CES5A: variants seen among roughly 807,000 people sequenced by gnomAD.
CES5A encodes the protein carboxylesterase 5.
Under a neutral mutation model 62.9 loss-of-function variants are expected in CES5A, and 67 were observed. The ratio of observed to expected loss-of-function variants is 1.07; its 90% CI spans 0.88 to 1.31. The LOEUF (loss-of-function observed/expected upper bound fraction) is 1.31. Ranked by LOEUF, CES5A falls within the 50% of genes most tolerant of loss-of-function variation. The pLI, the probability that CES5A is intolerant of heterozygous loss-of-function variation, is 0.00. For missense variants in CES5A, 748 were observed against 708.5 expected, an observed-to-expected ratio of 1.06 and a Z score of -0.63; for synonymous variants, 296 against 280.8, an observed-to-expected ratio of 1.05 and a Z score of -0.54.
At chr16:55,880,011 T>G (rs1380275794), upstream of CES5A, among the ~76,000 whole-genome samples, 1 of 152,244 alleles carries the variant, frequency 6.6e-6, no homozygotes, top group Non-Finnish European at 1.5e-5. Flanking sequence ...TTCCTGCCCA[T>G]GCACTTTTTG....
At chr16:55,851,853 G>T (rs1384084985) in intron 10 of CES5A, among the ~76,000 whole-genome samples, 3 of 152,220 alleles carry the variant, frequency 2.0e-5, no homozygotes, top group African/African-American at 7.2e-5. Context: ...ACATTAGTCA[G>T]CCTTAAAAAA....
chr16:55,928,223 A>G (rs956856327), upstream of CES5A, among the ~76,000 whole-genome samples: 4 of 151,980 alleles, frequency 2.6e-5, no homozygotes, highest in Non-Finnish European at 4.4e-5. Flanking sequence ...AGCCTGGGCG[A>G]CAGAGCGAGA....
At chr16:55,865,661 T>C (rs1222695335) in intron 5 of CES5A, among the ~76,000 whole-genome samples, 4 of 152,208 alleles carry the variant, frequency 2.6e-5, no homozygotes, top group Non-Finnish European at 5.9e-5. Context: ...ATTAAACAAG[T>C]GATTACCATT....
intron 6 of CES5A, among the ~76,000 whole-genome samples, chr16:55,862,819 G>A (rs1359208864): frequency 1.3e-5 from 2 of 152,054 alleles, no homozygotes; most frequent in African/African-American, 2.4e-5. Context: ...TTATGCTGGG[G>A]GCCTGAAGGA....
At chr16:55,919,810 G>T (rs1163903976) in intron 1 of CES5A, among the ~76,000 whole-genome samples, 2 of 152,204 alleles carry the variant, frequency 1.3e-5, no homozygotes, top group African/African-American at 4.8e-5. Flanking sequence ...AATAATCATA[G>T]CTGGCACATT....
intron 1 of CES5A, among the ~76,000 whole-genome samples, chr16:55,955,479 T>A (rs934538050): frequency 6.6e-6 from 1 of 152,246 alleles, no homozygotes; most frequent in South Asian, 2.1e-4. Flanking sequence ...ATTTAATAAA[T>A]CTTTCTCCAC....
chr16:55,940,943 C>T (rs1050853943), intron 2 of CES5A, among the ~76,000 whole-genome samples: 11 of 150,586 alleles, frequency 7.3e-5, no homozygotes, highest in African/African-American at 2.7e-4. Context: ...TGACAAAATG[C>T]AACAATTCAT....
At chr16:55,887,002 G>C (rs554338313) in intron 1 of CES5A, among the ~76,000 whole-genome samples, 28 of 152,256 alleles carry the variant, frequency 1.8e-4, no homozygotes, top group African/African-American at 5.8e-4. Flanking sequence ...AACAATGGAA[G>C]GTCTATTAGG....
chr16:55,935,670 C>G (rs775596243), intron 2 of CES5A, among the ~76,000 whole-genome samples: 1 of 152,164 alleles, frequency 6.6e-6, no homozygotes, highest in Admixed American at 6.5e-5. Context: ...AGTTCTATAC[C>G]ATTTTTAAAC....
intron 2 of CES5A, among the ~76,000 whole-genome samples, chr16:55,937,604 A>T (rs141200564): frequency 5.9e-4 from 90 of 152,252 alleles, no homozygotes; most frequent in African/African-American, 2.1e-3. Context: ...CGGATGGCCA[A>T]GCCAAGTGGG....
intron 1 of CES5A, among the ~76,000 whole-genome samples, chr16:55,924,877 G>A (rs1198127813): frequency 1.3e-5 from 2 of 151,964 alleles, no homozygotes; most frequent in Non-Finnish European, 2.9e-5. Context: ...CAAAATGGAT[G>A]AAAGACTTAA....
intron 1 of CES5A, among the ~76,000 whole-genome samples, chr16:55,953,405 T>C (rs1387137879): frequency 2.0e-5 from 3 of 152,186 alleles, no homozygotes; most frequent in Admixed American, 2.0e-4. Context: ...GCAGTCAGTA[T>C]AACCATCTGT....
intron 2 of CES5A, among the ~76,000 whole-genome samples, chr16:55,938,797 T>TATATATATATATACAC (rs1440495150): frequency 2.0e-5 from 1 of 51,082 alleles, no homozygotes; most frequent in African/African-American, 1.0e-4. Flanking sequence ...TATATATATA[T>TATATATATATATACAC]ACACACATAT....
chr16:55,869,854 G>A, intron 3 of CES5A, 110 bp from the exon 4 acceptor site: 3 of 1,419,952 alleles, frequency 2.1e-6, no homozygotes, highest in Admixed American at 2.5e-5. Context: ...CACTTGCTAA[G>A]CAGGGTGCGA....
intron 5 of CES5A, among the ~76,000 whole-genome samples, chr16:55,865,017 A>T (rs2033427438): frequency 6.7e-6 from 1 of 149,682 alleles, no homozygotes; most frequent in Admixed American, 6.7e-5. Flanking sequence ...GACCAGCCTG[A>T]CCAACATGGA....
intron 1 of CES5A, among the ~76,000 whole-genome samples, chr16:55,898,266 T>G (rs1366413964): frequency 6.6e-6 from 1 of 152,164 alleles, no homozygotes; most frequent in Non-Finnish European, 1.5e-5. Context: ...TAAAATCACA[T>G]GTAGATGCAT....
At chr16:55,886,643 T>A (rs990266918) in intron 1 of CES5A, among the ~76,000 whole-genome samples, 2 of 152,188 alleles carry the variant, frequency 1.3e-5, no homozygotes, top group Admixed American at 6.5e-5. Context: ...ACCATAGCAC[T>A]ATCCTAAGTG....
In CES5A at chr16:55,863,847, C is replaced by T. The variant is rs143796789; in HGVS notation, c.706-395G>A. On this transcript the variant is annotated intron_variant, in intron 5 of 12. Coordinates refer to ENST00000290567, the MANE Select transcript of CES5A (RefSeq NM_001143685.2). ...TCTCACCTCACTGCAACCTCCGACT[C>T]CCAGGTTCAAGTGATTCTCCTGCCT... is the stretch of plus-strand genomic sequence containing the variant. Among the ~76,000 whole-genome samples, 878 of 151,792 alleles carry T rather than the reference C, an allele frequency of 5.8e-3. 12 individuals carry two copies. The highest frequency in any genetic ancestry group is 0.02 in the African/African-American group (817 of 41,360).
intron 4 of CES5A, among the ~76,000 whole-genome samples, chr16:55,867,388 A>G (rs1184682048): frequency 6.6e-6 from 1 of 152,182 alleles, no homozygotes; most frequent in Non-Finnish European, 1.5e-5. Flanking sequence ...CAAATGAAAC[A>G]AGTGGAAATG....
Sources: gnomAD v4.1 joint callset for allele counts (sites outside exome capture counted in the v4.1 genomes callset) on GRCh38, gnomAD v4.1.1 for gene constraint, MANE v1.5 for transcripts, NCBI Gene and HGNC (gene_info 2026-07-23, HGNC 2026-07-21) for gene names.